TTC23: variants seen among roughly 807,000 people sequenced by gnomAD.
The protein encoded by TTC23 is tetratricopeptide repeat protein 23.
TTC23 carries 58 observed loss-of-function variants against 55.1 expected under a neutral mutation model. That is an observed-to-expected ratio of 1.05 (90% CI 0.85 to 1.31). TTC23 has a LOEUF of 1.31. Among genes scored for constraint, TTC23 ranks in the 50% most tolerant of loss-of-function variants. The pLI, the probability that TTC23 is intolerant of heterozygous loss-of-function variation, is 0.00. For missense variants in TTC23, 516 were observed against 534.4 expected (o/e 0.97, Z 0.34); for synonymous variants, 203 against 199.9 (o/e 1.02, Z -0.13).
chr15:99,247,680 T>C (rs1178060182), intron 1 of TTC23, among the ~76,000 whole-genome samples: 4 of 152,074 alleles, frequency 2.6e-5, no homozygotes, highest in Admixed American at 2.6e-4. Flanking sequence ...TTTTTAGTGA[T>C]TGGGGCTGGG....
chr15:99,180,334 G>A (rs1416192370), intron 9 of TTC23, among the ~76,000 whole-genome samples: 7 of 151,412 alleles, frequency 4.6e-5, no homozygotes, highest in African/African-American at 1.7e-4. Flanking sequence ...CATTGAACAA[G>A]GTCATTAATT....
intron 12 of TTC23, among the ~76,000 whole-genome samples, chr15:99,150,425 C>T (rs1232781285): frequency 6.6e-6 from 1 of 152,194 alleles, no homozygotes; most frequent in Non-Finnish European, 1.5e-5. Context: ...CTGCAAAGGG[C>T]CATATGGTAA....
At chr15:99,201,825 G>A (rs1167307295) in intron 8 of TTC23, among the ~76,000 whole-genome samples, 1 of 152,124 alleles carries the variant, frequency 6.6e-6, no homozygotes, top group Non-Finnish European at 1.5e-5. Context: ...CCTTAGTTTT[G>A]TAAATATCAT....
At chr15:99,178,734 T>A (rs2073842327) in intron 9 of TTC23, among the ~76,000 whole-genome samples, 1 of 152,306 alleles carries the variant, frequency 6.6e-6, no homozygotes, top group East Asian at 1.9e-4. Context: ...TCAGTATGCA[T>A]GAGATTGGCC....
chr15:99,213,928 C>T (rs1418107201), intron 8 of TTC23, among the ~76,000 whole-genome samples: 1 of 152,078 alleles, frequency 6.6e-6, no homozygotes, highest in East Asian at 1.9e-4. Context: ...ACTGCTGGGT[C>T]AAAAGGTATG....
At chr15:99,191,919 T>C (rs1373323995) in intron 9 of TTC23, among the ~76,000 whole-genome samples, 1 of 152,166 alleles carries the variant, frequency 6.6e-6, no homozygotes, top group African/African-American at 2.4e-5. Context: ...ATATGGACAA[T>C]ACAGTCCAGG....
At chr15:99,197,323 T>G (rs59545422) in intron 9 of TTC23, among the ~76,000 whole-genome samples, 1 of 152,108 alleles carries the variant, frequency 6.6e-6, no homozygotes, top group Admixed American at 6.5e-5. Flanking sequence ...AGGATGGTCT[T>G]GATCTCCTGA....
intron 12 of TTC23, among the ~76,000 whole-genome samples, chr15:99,152,487 C>G (rs1232558089): frequency 2.0e-5 from 3 of 152,042 alleles, no homozygotes. Flanking sequence ...AGCGACTCTC[C>G]TGCCTCAGCC....
At chr15:99,229,253 ATAAT>A (rs1300869525) in intron 4 of TTC23, among the ~76,000 whole-genome samples, 1 of 152,188 alleles carries the variant, frequency 6.6e-6, no homozygotes, top group African/African-American at 2.4e-5. Flanking sequence ...TAGAAAATAA[ATAAT>A]TGTTGTTACA....
intron 8 of TTC23, among the ~76,000 whole-genome samples, chr15:99,205,150 G>A (rs1410980252): frequency 6.6e-6 from 1 of 151,978 alleles, no homozygotes; most frequent in East Asian, 1.9e-4. Flanking sequence ...CTGTTCCATT[G>A]GTCTATGTGT....
At chr15:99,192,477 C>T (rs940577713) in intron 9 of TTC23, among the ~76,000 whole-genome samples, 2 of 152,228 alleles carry the variant, frequency 1.3e-5, no homozygotes, top group Admixed American at 6.5e-5. Context: ...AGAGCTTGGG[C>T]TGTGGCTTCA....
chr15:99,150,208 T>A (rs150180123), intron 12 of TTC23, among the ~76,000 whole-genome samples: 101 of 152,304 alleles, frequency 6.6e-4, no homozygotes, highest in African/African-American at 2.4e-3. Flanking sequence ...TTCATCTCAT[T>A]CGATCCCTAA....
chr15:99,227,955 C>A (rs898208169), intron 5 of TTC23, among the ~76,000 whole-genome samples: 1 of 152,228 alleles, frequency 6.6e-6, no homozygotes, highest in African/African-American at 2.4e-5. Flanking sequence ...TCACAGAACT[C>A]ATCAACCTGA....
intron 9 of TTC23, among the ~76,000 whole-genome samples, chr15:99,185,205 T>G (rs2074548649): frequency 6.6e-6 from 1 of 152,220 alleles, no homozygotes; most frequent in African/African-American, 2.4e-5. Flanking sequence ...AGTATTAATA[T>G]TTTCAGAGGT....
intron 12 of TTC23, chr15:99,155,558 C>A (rs1555498741): frequency 6.6e-6 from 1 of 152,220 alleles, no homozygotes; most frequent in Non-Finnish European, 1.5e-5. Context: ...TCTATAAAAT[C>A]TCTGTAATTA....
In TTC23 at chr15:99,137,698, A is replaced by G; in HGVS notation, c.*312T>C. On this transcript the variant is annotated 3_prime_UTR_variant, in exon 14 of 14. Coordinates refer to ENST00000394132, the MANE Select transcript of TTC23 (RefSeq NM_001288615.3). ...GCAGATGCCGGGCTGACTCCTGCAC[A>G]GGGCGCACTGAACTGTTGAAGAGAA... The G allele has an allele frequency of 3.1e-6, 1 of 321,718 alleles. No homozygotes were observed. The highest frequency in any genetic ancestry group is 6.2e-5 in the East Asian group (1 of 16,242). The allele number at this position is 321,718 out of a possible 1,614,324, so 19.9% of individuals were successfully genotyped here.
At chr15:99,145,913 ACTC>A (rs1414364743) in intron 12 of TTC23, among the ~76,000 whole-genome samples, 1 of 151,850 alleles carries the variant, frequency 6.6e-6, no homozygotes, top group African/African-American at 2.4e-5. Flanking sequence ...CACCCGCACA[ACTC>A]CTCAGAGCGG....
intron 11 of TTC23, chr15:99,160,029 G>C (rs2071140270): frequency 6.6e-6 from 1 of 152,234 alleles, no homozygotes; most frequent in Non-Finnish European, 1.5e-5. Context: ...CACTCCCCTT[G>C]TCTTCTAGAG....
intron 8 of TTC23, among the ~76,000 whole-genome samples, chr15:99,207,358 G>A (rs1332372560): frequency 6.6e-6 from 1 of 152,132 alleles, no homozygotes; most frequent in East Asian, 1.9e-4. Flanking sequence ...TAGCTCAATA[G>A]CAAATAAGCA....
Sources: allele counts gnomAD v4.1 joint callset (sites outside exome capture counted in the v4.1 genomes callset), GRCh38; gene constraint gnomAD v4.1.1; transcripts MANE v1.5; gene names NCBI Gene and HGNC (gene_info 2026-07-23, HGNC 2026-07-21).